Variants in PCDHGA3 observed in about 807,000 individuals in gnomAD.
The protein encoded by PCDHGA3 is protocadherin gamma-A3.
A neutral mutation model predicts 58.5 loss-of-function variants in PCDHGA3; 40 were observed. The ratio of observed to expected loss-of-function variants is 0.68; its 90% CI spans 0.53 to 0.89. The LOEUF is 0.89. Ranked by LOEUF, PCDHGA3 falls within the 40% of genes least tolerant of loss-of-function variation. PCDHGA3 has a pLI of 0.00. For missense variants in PCDHGA3, 1,223 were observed against 1,195.9 expected (o/e 1.02, Z -0.33); for synonymous variants, 530 against 525.7 (o/e 1.01, Z -0.11).
intron 1 of PCDHGA3, chr5:141,374,167 A>G (rs1320540619): frequency 1.9e-6 from 3 of 1,613,124 alleles, no homozygotes; most frequent in Non-Finnish European, 2.5e-6. Flanking sequence ...GGGCCGCGGC[A>G]GCGCAGATCC....
chr5:141,495,943 CTGT>C (rs1324780860), intron 2 of PCDHGA3, among the ~76,000 whole-genome samples: 1 of 152,010 alleles, frequency 6.6e-6, no homozygotes, highest in Non-Finnish European at 1.5e-5. Flanking sequence ...GTCTCTGTGC[CTGT>C]TGTCTTTTTC....
Position 141,404,599 on chromosome 5 carries a change from A to G in PCDHGA3, c.2424+58142A>G. 2.5e-6 allele frequency: 4 copies of G among 1,613,988 alleles called. 1 individual carries two copies. In the East Asian group the frequency reaches 8.9e-5, roughly 36 times the overall value. ...CACTTAGCAGCAATGTGTCATTGAG[A>G]CTGTTTGTTTTGGACCAGAATGACA... is the stretch of plus-strand genomic sequence containing the variant. On this transcript the variant is annotated intron_variant, in intron 1 of 3. Coordinates refer to ENST00000253812, the MANE Select transcript of PCDHGA3 (RefSeq NM_018916.4).
In PCDHGA3 at chr5:141,368,077, T is replaced by A. The variant is rs563591342; in HGVS notation, c.2424+21620T>A. Among the ~76,000 whole-genome samples the A allele has an allele frequency of 2.2e-4, 33 of 152,336 alleles. 1 individual carries two copies. The South Asian group carries it at 5.6e-3, about 26-fold the overall frequency. On this transcript the variant is annotated intron_variant, in intron 1 of 3. Transcript: ENST00000253812. ...AGAACTACTATATTTCCCTTCTGCA[T>A]CTGATTTGCTGAAGATGATTTTCAG...
chr5:141,423,674 C>G (rs57195665), intron 1 of PCDHGA3: 15 of 1,514,742 alleles, frequency 9.9e-6, no homozygotes, highest in African/African-American at 2.9e-5. Flanking sequence ...AGATTTATTT[C>G]TCTGCCTCCT....
At chr5:141,376,598 T>C (rs1266574901) in intron 1 of PCDHGA3, 35 of 1,542,956 alleles carry the variant, frequency 2.3e-5, no homozygotes, top group Admixed American at 1.7e-4. Context: ...TCGGCTGTTA[T>C]AGAAGCGAAC....
At chr5:141,467,114 G>A (rs971182917) in intron 1 of PCDHGA3, among the ~76,000 whole-genome samples, 5 of 149,522 alleles carry the variant, frequency 3.3e-5, no homozygotes, top group South Asian at 2.1e-4. Context: ...GTACAATGGT[G>A]CAATCTCAGC....
At chr5:141,397,858 C>G in intron 1 of PCDHGA3, 2 of 559,034 alleles carry the variant, frequency 3.6e-6, no homozygotes, top group South Asian at 2.6e-5. Context: ...GCTGTAGTTT[C>G]CTAGTGCTGA....
chr5:141,421,766 C>T, intron 1 of PCDHGA3: 2 of 1,613,868 alleles, frequency 1.2e-6, no homozygotes, highest in South Asian at 1.1e-5. Context: ...AATTACTTTT[C>T]CTTGCAACTG....
chr5:141,389,286 T>C, intron 1 of PCDHGA3: 1 of 1,614,018 alleles, frequency 6.2e-7, no homozygotes, highest in Non-Finnish European at 8.5e-7. Context: ...GCCTGGAGCC[T>C]CTATTTCACA....
At chr5:141,358,484 A>G (rs1299917904) in intron 1 of PCDHGA3, among the ~76,000 whole-genome samples, 2 of 152,206 alleles carry the variant, frequency 1.3e-5, no homozygotes, top group African/African-American at 4.8e-5. Context: ...TAACTTTTAG[A>G]TATAACTTTA....
chr5:141,455,244 T>C (rs977940552), intron 1 of PCDHGA3, among the ~76,000 whole-genome samples: 1 of 152,142 alleles, frequency 6.6e-6, no homozygotes, highest in Admixed American at 6.5e-5. Flanking sequence ...TTAAAGGTCA[T>C]AGTACAATCG....
chr5:141,383,107 G>A, intron 1 of PCDHGA3: 1 of 1,614,032 alleles, frequency 6.2e-7, no homozygotes, highest in South Asian at 1.1e-5. Context: ...CATCTCCAGA[G>A]GTAGGACGCA....
chr5:141,356,223 T>C, intron 1 of PCDHGA3: 1 of 1,598,278 alleles, frequency 6.3e-7, no homozygotes, highest in Non-Finnish European at 8.5e-7. Flanking sequence ...TGGATGAAAA[T>C]GACAACGCAC....
intron 1 of PCDHGA3, chr5:141,360,842 A>G (rs1016848749): frequency 7.4e-6 from 12 of 1,614,028 alleles, no homozygotes; most frequent in Non-Finnish European, 1.0e-5. Flanking sequence ...ACGGATGCCA[A>G]CGATAACCCT....
At chr5:141,350,066 G>C (rs1199551431) in intron 1 of PCDHGA3, 18 of 416,512 alleles carry the variant, frequency 4.3e-5, no homozygotes, top group Non-Finnish European at 6.6e-5. Flanking sequence ...GGAAGTGAAG[G>C]CTTCTCAATT....
intron 1 of PCDHGA3, chr5:141,392,008 T>C (rs144906227): frequency 1.3e-5 from 2 of 152,186 alleles, no homozygotes; most frequent in Non-Finnish European, 2.9e-5. Flanking sequence ...ACTGCAATGG[T>C]AAAAGCATTT....
At chr5:141,470,961 C>T (rs1447105252) in intron 1 of PCDHGA3, among the ~76,000 whole-genome samples, 1 of 152,036 alleles carries the variant, frequency 6.6e-6, no homozygotes, top group Non-Finnish European at 1.5e-5. Context: ...AAGTGATCCT[C>T]CCACCTCAGC....
chr5:141,510,272 TAAA>T (rs546154379), intron 3 of PCDHGA3, among the ~76,000 whole-genome samples: 2 of 130,370 alleles, frequency 1.5e-5, no homozygotes, highest in Non-Finnish European at 3.3e-5. Context: ...GACTCCATCT[TAAA>T]AAAAAAAAAA....
In PCDHGA3 at chr5:141,364,349, G is replaced by A. The variant is rs758855393; in HGVS notation, c.2424+17892G>A. The A allele has an allele frequency of 2.6e-5, 40 of 1,549,338 alleles. No homozygotes were observed. Among genetic ancestry groups the A allele is most frequent in the Non-Finnish European group, 3.1e-5 (36 of 1,150,712 alleles). On this transcript the variant is annotated intron_variant, in intron 1 of 3. Coordinates refer to ENST00000253812, the MANE Select transcript of PCDHGA3 (RefSeq NM_018916.4). ...GAAGGCAATGGCGAGTCCACCTAGG[G>A]GCTGGGGCTGCGGAGAGCTGCTGCT...
Sources: gnomAD v4.1 joint callset for allele counts (sites outside exome capture counted in the v4.1 genomes callset) on GRCh38, gnomAD v4.1.1 for gene constraint, MANE v1.5 for transcripts, NCBI Gene and HGNC (gene_info 2026-07-23, HGNC 2026-07-21) for gene names.